Variants in USP45 observed in about 807,000 individuals in gnomAD.
USP45 encodes ubiquitin specific peptidase 45.
Under a neutral mutation model 95.8 loss-of-function variants are expected in USP45, and 89 were observed. The ratio of observed to expected loss-of-function variants is 0.93; its 90% confidence interval spans 0.78 to 1.11. The LOEUF is 1.11. Ranked by LOEUF, USP45 falls within the 50% of genes least tolerant of loss-of-function variation. The pLI is 0.00. For missense variants in USP45, 898 were observed against 942.5 expected, an observed-to-expected ratio of 0.95 and a Z score of 0.62; for synonymous variants, 281 against 316.2, an observed-to-expected ratio of 0.89 and a Z score of 1.18.
At chr6:99,447,067 T>C (rs1462486544) in intron 13 of USP45, among the ~76,000 whole-genome samples, 7 of 148,272 alleles carry the variant, frequency 4.7e-5, no homozygotes, top group Non-Finnish European at 1.0e-4. Context: ...ACACTGAAAA[T>C]GTATCTGTTT....
At chr6:99,464,978 AAAT>A in intron 12 of USP45, 99 bp downstream of exon 12, 2 of 1,076,498 alleles carry the variant, frequency 1.9e-6, no homozygotes, top group Non-Finnish European at 2.6e-6. Context: ...TATATATAAA[AAAT>A]AATGACTCTC....
At chr6:99,493,825 T>A (rs968530114) in intron 5 of USP45, among the ~76,000 whole-genome samples, 13 of 152,354 alleles carry the variant, frequency 8.5e-5, no homozygotes, top group African/African-American at 3.1e-4. Context: ...AAGCAGCTTA[T>A]AGCTTCTACT....
intron 13 of USP45, chr6:99,462,157 C>T: frequency 1.0e-6 from 1 of 979,282 alleles, no homozygotes; most frequent in Non-Finnish European, 1.2e-6. Flanking sequence ...AAAAAACGTT[C>T]AATAAAGAAT....
At chr6:99,513,095 G>A (rs1389907788) in intron 1 of USP45, among the ~76,000 whole-genome samples, 3 of 152,150 alleles carry the variant, frequency 2.0e-5, no homozygotes, top group Non-Finnish European at 4.4e-5. Context: ...GGTTGCCCAT[G>A]TACAAAGAGT....
At chr6:99,452,740 T>C (rs1266436538) in intron 13 of USP45, among the ~76,000 whole-genome samples, 1 of 152,168 alleles carries the variant, frequency 6.6e-6, no homozygotes, top group East Asian at 1.9e-4. Flanking sequence ...ATGTTTATTG[T>C]GGCACTATTC....
At chr6:99,492,268 G>A (rs542764900) in intron 5 of USP45, among the ~76,000 whole-genome samples, 13 of 152,312 alleles carry the variant, frequency 8.5e-5, no homozygotes, top group African/African-American at 2.9e-4. Flanking sequence ...ACTGTGTGAT[G>A]CTTTTCAGCA....
rs111895002 is a variant in USP45, at chr6:99,485,811, A to G, written c.714+2389T>C. Among the ~76,000 whole-genome samples, 704 of 152,346 alleles carry G rather than the reference A, an allele frequency of 4.6e-3. 5 individuals are homozygous for G. The highest frequency in any genetic ancestry group is 7.5e-3 in the Non-Finnish European group (509 of 68,026). On this transcript the variant is annotated intron_variant, in intron 7 of 17. Coordinates refer to ENST00000500704, the MANE Select transcript of USP45 (RefSeq NM_001346022.3). ...CATAACTGGGGTTTGTAACAAGAATACAGGATAGGTTTAACACTTGAAAAA... is the reference window on the plus strand; with the variant it reads ...CATAACTGGGGTTTGTAACAAGAATGCAGGATAGGTTTAACACTTGAAAAA...
chr6:99,508,424 C>A (rs575092959), intron 3 of USP45, among the ~76,000 whole-genome samples, 186 bp downstream of exon 3: 1 of 152,272 alleles, frequency 6.6e-6, no homozygotes, highest in South Asian at 2.1e-4. Context: ...CACCTGATTA[C>A]TTTCTGAACA....
intron 5 of USP45, among the ~76,000 whole-genome samples, chr6:99,500,877 T>C (rs1797216547): frequency 6.6e-6 from 1 of 152,196 alleles, no homozygotes; most frequent in Admixed American, 6.5e-5. Flanking sequence ...GAGTTTACCT[T>C]CTCTGGTTCC....
intron 5 of USP45, among the ~76,000 whole-genome samples, chr6:99,496,612 A>G (rs1056151318): frequency 1.1e-4 from 16 of 152,304 alleles, no homozygotes; most frequent in South Asian, 1.0e-3. Flanking sequence ...TCAGTCATCT[A>G]TTTCACAAAA....
intron 9 of USP45, among the ~76,000 whole-genome samples, chr6:99,471,899 C>A (rs1789487901): frequency 6.6e-6 from 1 of 152,178 alleles, no homozygotes; most frequent in African/African-American, 2.4e-5. Context: ...ACCGTCAGGA[C>A]TGTCCTCGCT....
At chr6:99,511,659 C>A (rs1799829665) in intron 1 of USP45, among the ~76,000 whole-genome samples, 1 of 151,684 alleles carries the variant, frequency 6.6e-6, no homozygotes, top group Admixed American at 6.6e-5. Context: ...CCCCATGTTG[C>A]CCAGGCTGGT....
At position 99,507,423 on chromosome 6, in the gene USP45, C is replaced by T; in HGVS notation, c.377+5G>A. 2 of 1,569,474 alleles carry T rather than the reference C, an allele frequency of 1.3e-6. No homozygotes were observed. Among genetic ancestry groups the T allele is most frequent in the Non-Finnish European group, 1.7e-6 (2 of 1,152,842 alleles). On this transcript the variant is annotated splice_donor_5th_base_variant and intron_variant, in intron 4 of 17. Coordinates refer to ENST00000500704, the MANE Select transcript of USP45 (RefSeq NM_001346022.3). ...GGACACAAGAACTAACAAAATTTAA[C>T]TTACCATATAATCCATGTGCTCAGA... is the stretch of plus-strand genomic sequence containing the variant.
intron 13 of USP45, among the ~76,000 whole-genome samples, chr6:99,454,708 AAAT>A (rs575147572): frequency 8.8e-4 from 134 of 152,314 alleles, no homozygotes; most frequent in African/African-American, 3.0e-3. Context: ...CAAAAAAGAC[AAAT>A]AATAAGATGC....
At chr6:99,509,190 T>C (rs560102423) in intron 2 of USP45, among the ~76,000 whole-genome samples, 1 of 152,318 alleles carries the variant, frequency 6.6e-6, no homozygotes, top group South Asian at 2.1e-4. Context: ...TAGGACCTTA[T>C]CTGATGTCCC....
At chr6:99,472,244 G>A (rs1374406805) in intron 9 of USP45, among the ~76,000 whole-genome samples, 1 of 139,042 alleles carries the variant, frequency 7.2e-6, no homozygotes, top group Non-Finnish European at 1.5e-5. Flanking sequence ...TTGAGAACGT[G>A]TCTCACTCCC....
At chr6:99,488,096 C>T in intron 7 of USP45, 104 bp downstream of exon 7, 1 of 704,000 alleles carries the variant, frequency 1.4e-6, no homozygotes, top group South Asian at 1.8e-5. Flanking sequence ...TTTAAGCCCC[C>T]TGGCTACTAT....
At chr6:99,468,644 G>A in intron 9 of USP45, 26 bp from the exon 10 acceptor site, 3 of 1,495,526 alleles carry the variant, frequency 2.0e-6, no homozygotes, top group Non-Finnish European at 2.8e-6. Context: ...AATAGATTCT[G>A]GTCTAATAAT....
rs1435484298 is a variant in USP45 at position 99,446,439 on chromosome 6, A to C, written c.1333T>G (p.Cys445Gly). The C allele has an allele frequency of 2.5e-6, 4 of 1,613,132 alleles. No individual in the cohort carries two copies. Among genetic ancestry groups the C allele is most frequent in the Admixed American group, 1.7e-5 (1 of 59,892 alleles). ...DKSQLIHDRK[C>G]IRKLSSGETV... ...TCTCCAGATGACAATTTTCTAATAC[A>C]TTTTCGGTCATGAATTAGTTGACTC... Residue 445 changes from cysteine (C) to glycine (G), a missense_variant, in exon 14 of 18, where the codon TGT (cysteine) becomes GGT (glycine). Cys to Gly is a radical substitution (Grantham distance 159). Coordinates refer to ENST00000500704, the MANE Select transcript of USP45 (RefSeq NM_001346022.3).
Sources: gnomAD v4.1 joint callset for allele counts (sites outside exome capture counted in the v4.1 genomes callset) on GRCh38, gnomAD v4.1.1 for gene constraint, MANE v1.5 for transcripts, NCBI Gene and HGNC (gene_info 2026-07-23, HGNC 2026-07-21) for gene names.